Variants in SPARCL1 observed in about 807,000 individuals in gnomAD.
The protein encoded by SPARCL1 is SPARC-like protein 1.
SPARCL1 carries 52 observed loss-of-function variants against 67.1 expected under a neutral mutation model. The ratio of observed to expected loss-of-function variants is 0.78; its 90% CI spans 0.62 to 0.98. The LOEUF is 0.98. Ranked by LOEUF, SPARCL1 falls within the 50% of genes least tolerant of loss-of-function variation. SPARCL1 has a pLI of 0.00. For missense variants in SPARCL1, 717 were observed against 782.4 expected (o/e 0.92, Z 1.00); for synonymous variants, 226 against 267.8 (o/e 0.84, Z 1.52).
At chr4:87,495,509 G>A (rs1200190460) in intron 2 of SPARCL1, among the ~76,000 whole-genome samples, 1 of 152,142 alleles carries the variant, frequency 6.6e-6, no homozygotes, top group Non-Finnish European at 1.5e-5. Flanking sequence ...ATTAACCATA[G>A]GATATAGTAT....
At position 87,493,613 on chromosome 4, in the gene SPARCL1, A is replaced by G; in HGVS notation, c.1187T>C (p.Ile396Thr). ...GTGCTCTCCAGGCTCAGTGGTACCT[A>G]TATTTTCATTTTCATGTACTTTTTC... ...QREKVHENEN[I>T]GTTEPGEHQE... The change falls in exon 4 of 11, where the codon ATA becomes ACA. Residue 396 changes from isoleucine (I) to threonine (T), a missense_variant. Transcript: ENST00000282470. 2.5e-6 allele frequency: 4 copies of G among 1,613,138 alleles called. No individual in the cohort carries two copies. The highest frequency in any genetic ancestry group is 2.2e-5 in the South Asian group (2 of 91,014).
intron 2 of SPARCL1, among the ~76,000 whole-genome samples, chr4:87,496,459 T>C (rs1724624597): frequency 6.6e-6 from 1 of 152,126 alleles, no homozygotes; most frequent in South Asian, 2.1e-4. Context: ...ACTCAAGCAA[T>C]CTTCCTGTCT....
intron 7 of SPARCL1, among the ~76,000 whole-genome samples, chr4:87,490,061 A>C (rs772179712): frequency 1.3e-5 from 2 of 152,210 alleles, no homozygotes; most frequent in East Asian, 1.9e-4. Flanking sequence ...AATAAAAAAA[A>C]CAATGTCAGG....
chr4:87,492,119 A>AAAAAC (rs945333062), intron 4 of SPARCL1, among the ~76,000 whole-genome samples: 2 of 151,774 alleles, frequency 1.3e-5, no homozygotes, highest in Non-Finnish European at 2.9e-5. Flanking sequence ...CTCCATCTCT[A>AAAAAC]AAAACAAAAC....
chr4:87,494,888 G>C (rs1400544457), intron 3 of SPARCL1, 93 bp downstream of exon 3: 7 of 1,175,216 alleles, frequency 6.0e-6, no homozygotes, highest in African/African-American at 1.6e-5. Context: ...ATTAAACTGA[G>C]ACATAAATAA....
chr4:87,488,221 A>G (rs1023185284), intron 7 of SPARCL1, among the ~76,000 whole-genome samples: 1 of 152,062 alleles, frequency 6.6e-6, no homozygotes, highest in Non-Finnish European at 1.5e-5. Context: ...GTTTTTCCTC[A>G]TCTTCATGGA....
chr4:87,511,177 G>C (rs190776507), intron 1 of SPARCL1, among the ~76,000 whole-genome samples: 39 of 152,306 alleles, frequency 2.6e-4, no homozygotes, highest in African/African-American at 9.4e-4. Context: ...CCCTCTCTCA[G>C]AGAATGGGTT....
At chr4:87,516,558 T>C (rs10001608) in intron 1 of SPARCL1, among the ~76,000 whole-genome samples, 91,931 of 151,944 alleles carry the variant, frequency 0.61, 29,794 homozygotes, top group African/African-American at 0.84. Flanking sequence ...CTGTGTACCA[T>C]CCATGCACTC....
At chr4:87,506,110 A>G (rs1725061856) in intron 1 of SPARCL1, among the ~76,000 whole-genome samples, 1 of 152,182 alleles carries the variant, frequency 6.6e-6, no homozygotes, top group African/African-American at 2.4e-5. Context: ...GTCTCCAGAC[A>G]TTGCCAAATG....
At chr4:87,476,461 C>G (rs973567969) in intron 10 of SPARCL1, among the ~76,000 whole-genome samples, 4 of 152,148 alleles carry the variant, frequency 2.6e-5, no homozygotes, top group African/African-American at 9.7e-5. Flanking sequence ...TTGGCCCCAC[C>G]ACAATGTAAC....
intron 8 of SPARCL1, 67 bp downstream of exon 8, chr4:87,482,357 C>T (rs553358149): frequency 3.8e-6 from 6 of 1,559,516 alleles, no homozygotes; most frequent in Non-Finnish European, 1.7e-6. Context: ...GGTAGCCCCC[C>T]CACCACGTCT....
chr4:87,492,234 A>G (rs2110226662), intron 4 of SPARCL1, among the ~76,000 whole-genome samples: 1 of 152,222 alleles, frequency 6.6e-6, no homozygotes, highest in African/African-American at 2.4e-5. Context: ...CCTGACCAAC[A>G]AGGTGAAACC....
At chr4:87,491,899 GT>G (rs1400350667) in intron 4 of SPARCL1, among the ~76,000 whole-genome samples, 1 of 148,080 alleles carries the variant, frequency 6.8e-6, no homozygotes, top group African/African-American at 2.5e-5. Flanking sequence ...GAGCCCAGGA[GT>G]TTAAGACCAA....
chr4:87,484,689 A>G (rs1723979505), intron 7 of SPARCL1, among the ~76,000 whole-genome samples: 1 of 152,100 alleles, frequency 6.6e-6, no homozygotes, highest in Admixed American at 6.5e-5. Flanking sequence ...CATTTTCACG[A>G]TATTGATTCT....
chr4:87,487,629 A>G (rs1326604466), intron 7 of SPARCL1, among the ~76,000 whole-genome samples: 1 of 152,136 alleles, frequency 6.6e-6, no homozygotes, highest in Admixed American at 6.5e-5. Flanking sequence ...GCTGAATTTC[A>G]GTGTTGGTCT....
At chr4:87,503,520 G>A (rs1041004541) in intron 1 of SPARCL1, among the ~76,000 whole-genome samples, 1 of 152,028 alleles carries the variant, frequency 6.6e-6, no homozygotes, top group East Asian at 1.9e-4. Flanking sequence ...GGCAACATAT[G>A]TATATGTTTC....
chr4:87,486,289 GA>G (rs1343038581), intron 7 of SPARCL1, among the ~76,000 whole-genome samples: 1 of 152,134 alleles, frequency 6.6e-6, no homozygotes, highest in Non-Finnish European at 1.5e-5. Context: ...TGGTTTCAAA[GA>G]ACTTCCTTAT....
chr4:87,506,808 TC>T, intron 1 of SPARCL1, among the ~76,000 whole-genome samples: 1 of 132,940 alleles, frequency 7.5e-6, no homozygotes, highest in Admixed American at 7.8e-5. Flanking sequence ...TATCTATCTA[TC>T]TATCTATCTA....
At position 87,515,876 on chromosome 4, in the gene SPARCL1, A is replaced by G. The variant is rs1725561756; in HGVS notation, c.-12+13169T>C. ...TAACTGCCTTGAGACAATTTCTTACATTTCTTATTTAATAGGTATAAATAT... is the reference window on the plus strand; with the variant it reads ...TAACTGCCTTGAGACAATTTCTTACGTTTCTTATTTAATAGGTATAAATAT... On this transcript the variant is annotated intron_variant, in intron 1 of 10. Coordinates refer to ENST00000282470, the MANE Select transcript of SPARCL1 (RefSeq NM_004684.6). Among the ~76,000 whole-genome samples the G allele has an allele frequency of 2.0e-5, 3 of 152,138 alleles. No homozygotes were observed. The South Asian group carries it at 6.2e-4, about 32-fold the overall frequency.
Sources: gnomAD v4.1 joint callset for allele counts (sites outside exome capture counted in the v4.1 genomes callset) on GRCh38, gnomAD v4.1.1 for gene constraint, MANE v1.5 for transcripts, NCBI Gene and HGNC (gene_info 2026-07-23, HGNC 2026-07-21) for gene names.